The following KCNH8 variants were observed in gnomAD, a reference collection of about 807,000 sequenced individuals.
KCNH8 encodes the protein voltage-gated delayed rectifier potassium channel KCNH8.
Under a neutral mutation model 103.6 loss-of-function variants are expected in KCNH8, and 70 were observed. That is an observed-to-expected ratio of 0.68 (90% CI 0.56 to 0.82). The LOEUF is 0.82. Among genes scored for constraint, KCNH8 ranks in the 40% least tolerant of loss-of-function variants. The pLI, the probability that KCNH8 is intolerant of heterozygous loss-of-function variation, is 0.00. For synonymous variants in KCNH8, 498 were observed against 489.4 expected (o/e 1.02, Z -0.23); for missense variants, 1,217 against 1,329.9 (o/e 0.92, Z 1.32).
chr3:19,206,561 A>G (rs1001195961), intron 1 of KCNH8, among the ~76,000 whole-genome samples: 1 of 151,824 alleles, frequency 6.6e-6, no homozygotes, highest in Non-Finnish European at 1.5e-5. Flanking sequence ...AGGTTTTTCA[A>G]CCTTAGCACT....
intron 3 of KCNH8, among the ~76,000 whole-genome samples, chr3:19,298,408 A>AAATAC (rs2065022049): frequency 6.6e-6 from 1 of 152,232 alleles, no homozygotes; most frequent in South Asian, 2.1e-4. Flanking sequence ...GTTAACTCAT[A>AAATAC]AATACAAAAT....
intron 11 of KCNH8, among the ~76,000 whole-genome samples, chr3:19,479,723 T>C (rs940201395): frequency 3.3e-5 from 5 of 152,190 alleles, no homozygotes; most frequent in African/African-American, 7.2e-5. Flanking sequence ...ATGATACTTA[T>C]TATGATTTTG....
chr3:19,398,862 T>G (rs2066565345), intron 7 of KCNH8, among the ~76,000 whole-genome samples: 1 of 152,130 alleles, frequency 6.6e-6, no homozygotes, highest in South Asian at 2.1e-4. Flanking sequence ...TAGTGAATAC[T>G]TATCATTTTA....
intron 11 of KCNH8, among the ~76,000 whole-genome samples, chr3:19,464,361 T>G (rs985633808): frequency 1.3e-5 from 2 of 152,112 alleles, no homozygotes; most frequent in Non-Finnish European, 2.9e-5. Flanking sequence ...GGCCTAAAAG[T>G]TGGCCCATGA....
chr3:19,463,238 C>G (rs1037462799), intron 11 of KCNH8, among the ~76,000 whole-genome samples: 11 of 152,100 alleles, frequency 7.2e-5, no homozygotes, highest in Non-Finnish European at 1.3e-4. Flanking sequence ...TAAGGGACCA[C>G]TGTACCTATA....
chr3:19,495,236 T>C (rs1223426597), intron 11 of KCNH8, among the ~76,000 whole-genome samples: 1 of 152,224 alleles, frequency 6.6e-6, no homozygotes, highest in Non-Finnish European at 1.5e-5. Context: ...TTTGTTGCAA[T>C]TGCTTTTGGC....
At chr3:19,183,095 G>A (rs1055362556) in intron 1 of KCNH8, among the ~76,000 whole-genome samples, 10 of 152,178 alleles carry the variant, frequency 6.6e-5, no homozygotes, top group Admixed American at 6.5e-4. Context: ...TAGTGGTGAA[G>A]CTTTAGGCAT....
Position 19,465,689 on chromosome 3 carries a change from G to A in KCNH8, c.2040+8707G>A, listed in dbSNP as rs1030891766. Among the ~76,000 whole-genome samples the A allele has an allele frequency of 1.7e-4, 25 of 151,442 alleles. 1 individual carries two copies. Among genetic ancestry groups the A allele is most frequent in the Non-Finnish European group, 2.9e-5 (2 of 67,934 alleles). On this transcript the variant is annotated intron_variant, in intron 11 of 15. Transcript: ENST00000328405. ...CTGGAAAAATTTTGGCATTCTAGATGCCATTAAGAATATGTGTGATTCCTG... is the reference window on the plus strand; with the variant it reads ...CTGGAAAAATTTTGGCATTCTAGATACCATTAAGAATATGTGTGATTCCTG...
intron 7 of KCNH8, among the ~76,000 whole-genome samples, chr3:19,409,508 C>T (rs1228236106): frequency 1.3e-5 from 2 of 152,114 alleles, no homozygotes; most frequent in African/African-American, 4.8e-5. Context: ...ATCAAAACCT[C>T]TCATATCAAT....
chr3:19,325,574 TC>T (rs1481693795), intron 3 of KCNH8, among the ~76,000 whole-genome samples: 2 of 151,930 alleles, frequency 1.3e-5, no homozygotes, highest in Non-Finnish European at 2.9e-5. Flanking sequence ...TTGCCAACAG[TC>T]ATGAATAAAA....
In KCNH8 at chr3:19,451,352, A is replaced by G. The variant is rs147828008; in HGVS notation, c.1773A>G (p.Val591=). The part of the protein sequence containing the change: ...QGDALQAIYF[V]CSGSMEVLKD... ...ATGCTTTGCAGGCCATCTACTTTGT[A>G]TGCTCGGGCTCCATGGAAGTTCTTA... Residue 591 remains valine, a synonymous_variant, in exon 10 of 16, where the codon GTA becomes GTG. Coordinates refer to ENST00000328405, the MANE Select transcript of KCNH8 (RefSeq NM_144633.3). 4 of 1,613,674 alleles carry G rather than the reference A, an allele frequency of 2.5e-6. No homozygotes were observed. In the African/African-American group the frequency reaches 4.0e-5, roughly 16 times the overall value.
rs1210851271 is a variant in KCNH8, at chr3:19,148,609, G to C, written c.-111G>C. 14 of 1,029,384 alleles carry C rather than the reference G, an allele frequency of 1.4e-5. No individual in the cohort carries two copies. Among genetic ancestry groups the C allele is most frequent in the Middle Eastern group, 2.2e-4 (1 of 4,454 alleles). The allele number at this position is 1,029,384 out of a possible 1,614,324, so 63.8% of individuals were successfully genotyped here. A position where few individuals can be genotyped will look rare whatever the true frequency, so the allele number is the denominator to read the frequency against. On this transcript the variant is annotated 5_prime_UTR_variant, in exon 1 of 16. Coordinates refer to ENST00000328405, the MANE Select transcript of KCNH8 (RefSeq NM_144633.3). ...CCTGCTCGGCCCCGCCGTCAGGCCG[G>C]GTCCCCCTTCCCTGCCGTCATCAGG...
intron 5 of KCNH8, among the ~76,000 whole-genome samples, chr3:19,352,137 G>A (rs1259200259): frequency 6.6e-6 from 1 of 151,128 alleles, no homozygotes; most frequent in Non-Finnish European, 1.5e-5. Flanking sequence ...AAAGAGACAA[G>A]GCCATTACAT....
Position 19,319,869 on chromosome 3 carries a change from G to A in KCNH8, c.443-22718G>A, listed in dbSNP as rs919320680. The stretch of plus-strand genomic sequence containing the variant: ...GTGTTTTGTAGTTTTTCTTGTAGAG[G>A]TCTTTCACCTCTTTGGTTAAGTATA... On this transcript the variant is annotated intron_variant, in intron 3 of 15. Transcript: ENST00000328405. 3.1e-4 allele frequency among the ~76,000 whole-genome samples: 47 copies of A among 152,050 alleles called. 1 individual carries two copies. Among genetic ancestry groups the A allele is most frequent in the African/African-American group, 9.2e-4 (38 of 41,520 alleles).
At position 19,148,908 on chromosome 3, in the gene KCNH8, G is replaced by C. The variant is rs1416236848; in HGVS notation, c.76+113G>C. The C allele has an allele frequency of 1.5e-5, 14 of 957,840 alleles. No homozygotes were observed. In the Admixed American group the frequency reaches 2.1e-4, roughly 14 times the overall value. 59.3% of individuals were successfully genotyped at this position (957,840 alleles called of 1,614,324 possible). On this transcript the variant is annotated intron_variant, in intron 1 of 15. Coordinates refer to ENST00000328405, the MANE Select transcript of KCNH8 (RefSeq NM_144633.3). ...GCACCAGCGGAGTGAATTTTCTTCTGTTCTTGCCAAGGTATCTTTTGTGCG... is the reference window on the plus strand; with the variant it reads ...GCACCAGCGGAGTGAATTTTCTTCTCTTCTTGCCAAGGTATCTTTTGTGCG...
chr3:19,219,456 A>G (rs2063849822), intron 1 of KCNH8, among the ~76,000 whole-genome samples: 1 of 152,154 alleles, frequency 6.6e-6, no homozygotes, highest in South Asian at 2.1e-4. Flanking sequence ...CCAAGCACCT[A>G]CAACTGAACT....
chr3:19,207,092 A>G (rs74455530), intron 1 of KCNH8, among the ~76,000 whole-genome samples: 16,768 of 151,922 alleles, frequency 0.11, 3,069 homozygotes, highest in African/African-American at 0.38. Flanking sequence ...GTTAGTAAAA[A>G]TAAGGAAGGA....
chr3:19,344,257 T>A (rs905725126), intron 4 of KCNH8, among the ~76,000 whole-genome samples: 5 of 152,076 alleles, frequency 3.3e-5, no homozygotes, highest in Admixed American at 6.6e-5. Flanking sequence ...ACAAATATTA[T>A]CCACAGATTC....
intron 7 of KCNH8, among the ~76,000 whole-genome samples, chr3:19,397,171 C>T (rs2066531693): frequency 6.6e-6 from 1 of 151,792 alleles, no homozygotes. Context: ...ATATTTACCC[C>T]CTTACTTGTA....
Sources: gnomAD v4.1 joint callset for allele counts (sites outside exome capture counted in the v4.1 genomes callset) on GRCh38, gnomAD v4.1.1 for gene constraint, MANE v1.5 for transcripts, NCBI Gene and HGNC (gene_info 2026-07-23, HGNC 2026-07-21) for gene names.